Variants in SRPK2 observed in about 807,000 individuals in gnomAD.
SRPK2 encodes SRSF protein kinase 2.
In SRPK2, 21 loss-of-function variants were observed where a neutral mutation model predicts 90.8. The observed-to-expected ratio is 0.23, with a 90% CI of 0.16 to 0.33. The LOEUF is 0.33. Among genes scored for constraint, SRPK2 ranks in the 10% least tolerant of loss-of-function variants. SRPK2 has a pLI of 1.00. For synonymous variants in SRPK2, 288 were observed against 311.1 expected (o/e 0.93, Z 0.78); for missense variants, 620 against 869.0 (o/e 0.71, Z 3.60).
chr7:105,391,975 A>G (rs1476880183), upstream of SRPK2, among the ~76,000 whole-genome samples: 1 of 152,244 alleles, frequency 6.6e-6, no homozygotes, highest in African/African-American at 2.4e-5. Context: ...AAATGAATGG[A>G]TAAACAAATT....
At chr7:105,329,858 C>T (rs1325338468) in intron 2 of SRPK2, among the ~76,000 whole-genome samples, 8 of 151,564 alleles carry the variant, frequency 5.3e-5, no homozygotes, top group African/African-American at 1.7e-4. Flanking sequence ...GGTGAAACCC[C>T]GTCTCTACTA....
At chr7:105,258,514 A>T (rs1243066467) in intron 2 of SRPK2, among the ~76,000 whole-genome samples, 1 of 152,046 alleles carries the variant, frequency 6.6e-6, no homozygotes. Flanking sequence ...AATATTTGGG[A>T]TGTAAATGAC....
rs558149653 is a variant in SRPK2, at chr7:105,321,166, A to G, written c.71+67482T>C. Among the ~76,000 whole-genome samples, 59 of 152,244 alleles carry G rather than the reference A, an allele frequency of 3.9e-4. 2 individuals carry two copies. Among genetic ancestry groups the G allele is most frequent in the Middle Eastern group, 3.4e-3 (1 of 294 alleles). ...GTTCTTAAAAGTGAATTCCAGATAA[A>G]CAGATATACACATGCACAGCAATAA... On this transcript the variant is annotated intron_variant, in intron 2 of 15. Coordinates refer to ENST00000393651, the MANE Select transcript of SRPK2 (RefSeq NM_182692.3).
intron 2 of SRPK2, among the ~76,000 whole-genome samples, chr7:105,284,735 T>C (rs1585529895): frequency 6.6e-6 from 1 of 152,332 alleles, no homozygotes; most frequent in East Asian, 1.9e-4. Flanking sequence ...AGTAGTCCCT[T>C]ATTTCTACAA....
intron 4 of SRPK2, among the ~76,000 whole-genome samples, chr7:105,168,664 T>C (rs1475790216): frequency 1.3e-5 from 2 of 151,448 alleles, no homozygotes; most frequent in Non-Finnish European, 2.9e-5. Flanking sequence ...TTATCACGAA[T>C]ATTACACACC....
intron 2 of SRPK2, among the ~76,000 whole-genome samples, chr7:105,209,312 A>G (rs1244310579): frequency 6.6e-6 from 1 of 152,102 alleles, no homozygotes; most frequent in Non-Finnish European, 1.5e-5. Context: ...CACTTTGGGG[A>G]GGCCACAGTG....
At chr7:105,131,585 G>A (rs1186040493) in intron 13 of SRPK2, among the ~76,000 whole-genome samples, 4 of 152,210 alleles carry the variant, frequency 2.6e-5, no homozygotes, top group South Asian at 2.1e-4. Context: ...CTCAGATCAT[G>A]CTGAGTCAAA....
intron 2 of SRPK2, among the ~76,000 whole-genome samples, chr7:105,244,310 C>A (rs957785399): frequency 6.6e-6 from 1 of 152,252 alleles, no homozygotes; most frequent in African/African-American, 2.4e-5. Context: ...TGGCTCACGC[C>A]TGTAATCCCA....
At chr7:105,177,901 C>T (rs1213027562) in intron 3 of SRPK2, among the ~76,000 whole-genome samples, 2 of 151,300 alleles carry the variant, frequency 1.3e-5, no homozygotes, top group African/African-American at 2.4e-5. Context: ...TAGTGGCGGG[C>T]GCCTGTAGTC....
chr7:105,116,352 T>C (rs1799623349), downstream of SRPK2: 1 of 152,342 alleles, frequency 6.6e-6, no homozygotes, highest in Non-Finnish European at 1.5e-5. Context: ...CTATCATTTA[T>C]AGGGCAATGA....
Position 105,172,547 on chromosome 7 carries a change from T to C in SRPK2, c.230-3282A>G, listed in dbSNP as rs17721565. Among the ~76,000 whole-genome samples the C allele has an allele frequency of 2.9e-4, 44 of 152,318 alleles. No individual in the cohort carries two copies. In the East Asian group the frequency reaches 7.9e-3, roughly 27 times the overall value. ...TCTTCAGAGACCTAGTTACATTTTA[T>C]AACACAAGTATTTAGGAAAGACTGA... On this transcript the variant is annotated intron_variant, in intron 3 of 15. Transcript: ENST00000393651.
chr7:105,169,514 A>G (rs1052045154), intron 3 of SRPK2, among the ~76,000 whole-genome samples: 2 of 152,100 alleles, frequency 1.3e-5, no homozygotes, highest in Admixed American at 1.3e-4. Context: ...ATCATTTCAG[A>G]TCAGGAGTAC....
At chr7:105,395,021 G>A (rs892060490) in intron 1 of SRPK2, among the ~76,000 whole-genome samples, 1 of 151,902 alleles carries the variant, frequency 6.6e-6, no homozygotes, top group Non-Finnish European at 1.5e-5. Context: ...AAAAATACAA[G>A]AATTAGCTAG....
intron 2 of SRPK2, among the ~76,000 whole-genome samples, chr7:105,271,819 A>G (rs750308601): frequency 2.0e-5 from 3 of 152,168 alleles, no homozygotes; most frequent in Non-Finnish European, 4.4e-5. Flanking sequence ...TTATTCAATT[A>G]CTTCCAGGGT....
chr7:105,256,312 ACT>A (rs1803301919), intron 2 of SRPK2, among the ~76,000 whole-genome samples: 2 of 152,136 alleles, frequency 1.3e-5, no homozygotes, highest in South Asian at 4.1e-4. Context: ...GTTTTGAGTT[ACT>A]GTTTTGTTTC....
intron 2 of SRPK2, among the ~76,000 whole-genome samples, chr7:105,385,334 C>T (rs1469252380): frequency 6.6e-6 from 1 of 150,822 alleles, no homozygotes; most frequent in South Asian, 2.1e-4. Context: ...GCGCCCGCCA[C>T]CATGCCGGGC....
intron 2 of SRPK2, among the ~76,000 whole-genome samples, chr7:105,369,350 G>C (rs796253619): frequency 6.6e-6 from 1 of 151,820 alleles, no homozygotes; most frequent in Non-Finnish European, 1.5e-5. Context: ...GCTTCATCAC[G>C]CTGGCCAGGC....
intron 2 of SRPK2, among the ~76,000 whole-genome samples, chr7:105,221,628 T>C (rs535669972): frequency 1.2e-3 from 186 of 152,332 alleles, no homozygotes; most frequent in African/African-American, 4.0e-3. Context: ...AACAAGATGC[T>C]GCTTTTTTCT....
At chr7:105,179,824 C>CAAAAAAAAAAA in intron 3 of SRPK2, among the ~76,000 whole-genome samples, 1 of 60,266 alleles carries the variant, frequency 1.7e-5, no homozygotes, top group Non-Finnish European at 2.8e-5. Context: ...GAGTCCATCT[C>CAAAAAAAAAAA]AAAAAAAAAA....
Sources: allele counts gnomAD v4.1 joint callset (sites outside exome capture counted in the v4.1 genomes callset), GRCh38; gene constraint gnomAD v4.1.1; transcripts MANE v1.5; gene names NCBI Gene and HGNC (gene_info 2026-07-23, HGNC 2026-07-21).